Variants in CLVS1 observed in about 807,000 individuals in gnomAD.
The protein encoded by CLVS1 is clavesin-1.
CLVS1 carries 10 observed loss-of-function variants against 33.1 expected under a neutral mutation model. That is an observed-to-expected ratio of 0.30 (90% CI 0.19 to 0.51). The LOEUF is 0.51. Among genes scored for constraint, CLVS1 ranks in the 20% least tolerant of loss-of-function variants. The pLI, the probability that CLVS1 is intolerant of heterozygous loss-of-function variation, is 0.97. For missense variants in CLVS1, 343 were observed against 433.4 expected (o/e 0.79, Z 1.85); for synonymous variants, 163 against 166.1 (o/e 0.98, Z 0.14).
chr8:61,328,027 C>T (rs1195024980), intron 2 of CLVS1, among the ~76,000 whole-genome samples: 1 of 152,194 alleles, frequency 6.6e-6, no homozygotes, highest in Non-Finnish European at 1.5e-5. Context: ...TGCATGCCTA[C>T]TCTTTGCCAG....
chr8:61,243,219 A>T lies in CLVS1; in HGVS notation c.-151-56458A>T, dbSNP rs535530717. On this transcript the variant is annotated intron_variant, in intron 2 of 2. Coordinates refer to the CLVS1 transcript ENST00000522621. The stretch of plus-strand genomic sequence containing the variant: ...AAGATGAGACTGCTCTTCTTTTTTT[A>T]AAAAAGTATTGTACATATTTAACAT... Among the ~76,000 whole-genome samples the T allele has an allele frequency of 2.6e-5, 4 of 152,320 alleles. No homozygotes were observed. In the South Asian group the frequency reaches 6.2e-4, roughly 24 times the overall value.
chr8:61,256,436 C>A (rs2129591982), intron 2 of CLVS1, among the ~76,000 whole-genome samples: 1 of 152,254 alleles, frequency 6.6e-6, no homozygotes, highest in African/African-American at 2.4e-5. Flanking sequence ...TGGCGTGAAC[C>A]CAGGAGGCGG....
chr8:61,413,393 C>T (rs1029269236), intron 3 of CLVS1, among the ~76,000 whole-genome samples: 25 of 152,120 alleles, frequency 1.6e-4, no homozygotes, highest in African/African-American at 5.8e-4. Flanking sequence ...AAAGAAGAGA[C>T]CCAGAGCCAG....
chr8:61,207,271 C>G (rs1313093623), intron 2 of CLVS1, among the ~76,000 whole-genome samples: 2 of 152,084 alleles, frequency 1.3e-5, no homozygotes, highest in Non-Finnish European at 2.9e-5. Context: ...TGCATGGGCT[C>G]AAGTGAAGTT....
chr8:61,205,311 C>T (rs1807423436), intron 2 of CLVS1, among the ~76,000 whole-genome samples: 1 of 152,094 alleles, frequency 6.6e-6, no homozygotes, highest in Admixed American at 6.5e-5. Flanking sequence ...TCCCTATTCC[C>T]CTCTCCCCCT....
At chr8:61,287,277 T>C (rs1809805068), upstream of CLVS1, among the ~76,000 whole-genome samples, 1 of 152,218 alleles carries the variant, frequency 6.6e-6, no homozygotes, top group African/African-American at 2.4e-5. Context: ...AAAATGTGTT[T>C]ATTATGCATC....
intron 2 of CLVS1, among the ~76,000 whole-genome samples, chr8:61,188,774 G>A (rs1045048749): frequency 2.0e-5 from 3 of 152,004 alleles, no homozygotes; most frequent in African/African-American, 7.2e-5. Context: ...AAGTTATGGA[G>A]CATTCAATTC....
At chr8:61,360,964 G>T (rs1184704825) in intron 2 of CLVS1, among the ~76,000 whole-genome samples, 2 of 151,994 alleles carry the variant, frequency 1.3e-5, no homozygotes, top group Non-Finnish European at 2.9e-5. Context: ...AGTGGCTGCT[G>T]CTTCTCCAGA....
rs183571727 is a variant in CLVS1, at chr8:61,485,079, C to A, written c.978-14376C>A. Among the ~76,000 whole-genome samples, 111 of 152,092 alleles carry A rather than the reference C, an allele frequency of 7.3e-4. 1 individual carries two copies. The highest frequency in any genetic ancestry group is 2.2e-3 in the African/African-American group (93 of 41,508). ...ACACCAAAAGCAATGGCAACAAAAGCCAAAATTGACAAATGGTATCTAATT... is the reference window on the plus strand; with the variant it reads ...ACACCAAAAGCAATGGCAACAAAAGACAAAATTGACAAATGGTATCTAATT... On this transcript the variant is annotated intron_variant, in intron 5 of 5. Transcript: ENST00000325897.
chr8:61,355,780 A>C lies in CLVS1; in HGVS notation c.456-20825A>C, dbSNP rs1322566205. Among the ~76,000 whole-genome samples, 6 of 152,292 alleles carry C rather than the reference A, an allele frequency of 3.9e-5. No homozygotes were observed. In the East Asian group the frequency reaches 1.2e-3, roughly 29 times the overall value. On this transcript the variant is annotated intron_variant, in intron 2 of 5. Transcript: ENST00000325897. Reference sequence around the variant, plus strand: ...ATGGCTGCATAGTATTCCATGGTGTATATGTGCCACATTTTCTTAATCCAG... The same window carrying C: ...ATGGCTGCATAGTATTCCATGGTGTCTATGTGCCACATTTTCTTAATCCAG...
intron 2 of CLVS1, among the ~76,000 whole-genome samples, chr8:61,333,950 T>C (rs1395987035): frequency 2.0e-5 from 3 of 152,130 alleles, no homozygotes; most frequent in Non-Finnish European, 2.9e-5. Context: ...TGAGAACATG[T>C]GGTATTTGGT....
At chr8:61,376,472 G>T in intron 2 of CLVS1, 133 bp from the exon 3 acceptor site, 1 of 719,426 alleles carries the variant, frequency 1.4e-6, no homozygotes, top group Non-Finnish European at 2.3e-6. Context: ...AGTCCCTTTG[G>T]GTACAGGACG....
chr8:61,419,481 C>T (rs1815571604), intron 3 of CLVS1, among the ~76,000 whole-genome samples: 1 of 150,620 alleles, frequency 6.6e-6, no homozygotes, highest in African/African-American at 2.5e-5. Context: ...GAATTTTTTC[C>T]AAGAGAGTTG....
the CLVS1 span, among the ~76,000 whole-genome samples, chr8:61,019,978 T>G: frequency 6.6e-6 from 1 of 152,170 alleles, no homozygotes; most frequent in Non-Finnish European, 1.5e-5. Flanking sequence ...ACGTTAGCTG[T>G]ATTATAAACA....
chr8:60,971,882 G>C, the CLVS1 span, among the ~76,000 whole-genome samples: 1 of 151,894 alleles, frequency 6.6e-6, no homozygotes, highest in Non-Finnish European at 1.5e-5. Context: ...GATACCCCAG[G>C]CTGCTACTGG....
intron 1 of CLVS1, among the ~76,000 whole-genome samples, chr8:61,095,778 C>A (rs902123665): frequency 6.6e-6 from 1 of 152,084 alleles, no homozygotes; most frequent in Admixed American, 6.5e-5. Context: ...ATTTTTAATG[C>A]CTTAAGACGT....
At chr8:61,499,334 C>T (rs1426913655) in intron 5 of CLVS1, 121 bp from the exon 6 acceptor site, 1 of 650,164 alleles carries the variant, frequency 1.5e-6, no homozygotes. Flanking sequence ...TGCCACTGCA[C>T]CCAGTTAATT....
intron 5 of CLVS1, among the ~76,000 whole-genome samples, chr8:61,481,224 T>C (rs574818302): frequency 6.6e-6 from 1 of 152,204 alleles, no homozygotes; most frequent in African/African-American, 2.4e-5. Context: ...ATTTGGTGTA[T>C]AAAAAATAAA....
the CLVS1 span, among the ~76,000 whole-genome samples, chr8:61,038,437 G>GTATATATATA: frequency 0.017 from 2,436 of 142,636 alleles, 34 homozygotes; most frequent in African/African-American, 0.043. Context: ...CCTGTCGTTT[G>GTATATATATA]TATATATATA....
Sources: gnomAD v4.1 joint callset for allele counts (sites outside exome capture counted in the v4.1 genomes callset) on GRCh38, gnomAD v4.1.1 for gene constraint, MANE v1.5 for transcripts, NCBI Gene and HGNC (gene_info 2026-07-23, HGNC 2026-07-21) for gene names.